Variants in ARHGAP31 observed in about 807,000 individuals in gnomAD.
ARHGAP31 encodes rho GTPase-activating protein 31.
Under a neutral mutation model 113.9 loss-of-function variants are expected in ARHGAP31, and 34 were observed. That is an observed-to-expected ratio of 0.30 (90% CI 0.23 to 0.40). The LOEUF (loss-of-function observed/expected upper bound fraction) is 0.40, where lower values mean the gene tolerates loss of function less well. Ranked by LOEUF, ARHGAP31 falls within the 10% of genes least tolerant of loss-of-function variation. ARHGAP31 has a pLI of 1.00. For synonymous variants in ARHGAP31, 650 were observed against 684.8 expected, an observed-to-expected ratio of 0.95 and a Z score of 0.79; for missense variants, 1,548 against 1,767.1, an observed-to-expected ratio of 0.88 and a Z score of 2.22.
Position 119,414,222 on chromosome 3 carries a change from C to T in ARHGAP31, c.2293C>T (p.Pro765Ser). The change falls in exon 12 of 12, where the codon CCA (proline) becomes TCA (serine). Residue 765 changes from proline to serine, a missense_variant. Pro to Ser is a moderately conservative substitution (Grantham distance 74, BLOSUM62 -1). Transcript: ENST00000264245. ...LEIVPFEKASPQATVEVGGPG... is the reference protein window; with the variant it reads ...LEIVPFEKASSQATVEVGGPG... ...AATAGTTCCTTTTGAGAAGGCATCT[C>T]CACAAGCAACAGTGGAAGTAGGAGG... 1 of 1,614,182 alleles carries T rather than the reference C, an allele frequency of 6.2e-7. No homozygotes were observed. The highest frequency in any genetic ancestry group is 8.5e-7 in the Non-Finnish European group (1 of 1,180,032).
chr3:119,303,698 A>G (rs987427528), intron 1 of ARHGAP31, among the ~76,000 whole-genome samples: 17 of 152,152 alleles, frequency 1.1e-4, no homozygotes, highest in Admixed American at 3.3e-4. Flanking sequence ...ATTCCGGCAA[A>G]CCGTACATAA....
intron 1 of ARHGAP31, among the ~76,000 whole-genome samples, chr3:119,327,306 G>A (rs1384688829): frequency 4.6e-5 from 7 of 152,292 alleles, no homozygotes; most frequent in African/African-American, 1.7e-4. Flanking sequence ...ACTCTGGGAG[G>A]TTGAGGTGGG....
chr3:119,324,477 T>TA (rs948369828), intron 1 of ARHGAP31, among the ~76,000 whole-genome samples: 1 of 152,124 alleles, frequency 6.6e-6, no homozygotes, highest in African/African-American at 2.4e-5. Flanking sequence ...CTCAGAAAAA[T>TA]AAAAAATTAG....
chr3:119,411,988 G>C (rs1031570211), intron 11 of ARHGAP31, among the ~76,000 whole-genome samples: 1 of 152,188 alleles, frequency 6.6e-6, no homozygotes. Context: ...GAGAAGGGAC[G>C]AGAGGTCAGC....
At position 119,373,442 on chromosome 3, in the gene ARHGAP31, T is replaced by TTTG. The variant is rs199959450; in HGVS notation, c.348+4936_348+4938dup. On this transcript the variant is annotated intron_variant, in intron 3 of 11. Transcript: ENST00000264245. ...GCCCATGGTGAGACTGGCTTTTTTT[T>TTTG]TTGTTGTTGTTGGCTTTTTTGGTTG... 9.6e-3 allele frequency among the ~76,000 whole-genome samples: 1,444 copies of TTTG among 150,182 alleles called. 4 individuals carry two copies. Among genetic ancestry groups the TTTG allele is most frequent in the Non-Finnish European group, 0.016 (1,047 of 67,478 alleles).
intron 1 of ARHGAP31, among the ~76,000 whole-genome samples, chr3:119,318,926 AT>A (rs948880006): frequency 2.7e-5 from 4 of 150,866 alleles, no homozygotes; most frequent in Admixed American, 6.6e-5. Context: ...CAACCTGCCC[AT>A]TTTTTTTTAC....
At chr3:119,344,826 T>C (rs112001224) in intron 1 of ARHGAP31, among the ~76,000 whole-genome samples, 1 of 152,226 alleles carries the variant, frequency 6.6e-6, no homozygotes, top group African/African-American at 2.4e-5. Context: ...GTAGATTGTA[T>C]TATTAGCTTC....
chr3:119,352,745 A>T (rs910291161), intron 1 of ARHGAP31, among the ~76,000 whole-genome samples: 2 of 152,176 alleles, frequency 1.3e-5, no homozygotes, highest in African/African-American at 4.8e-5. Flanking sequence ...GAAGCTATTG[A>T]TTGTTTTGGT....
intron 11 of ARHGAP31, among the ~76,000 whole-genome samples, chr3:119,411,499 T>C (rs1031895198): frequency 6.6e-6 from 1 of 152,174 alleles, no homozygotes; most frequent in African/African-American, 2.4e-5. Flanking sequence ...AGCAAAGAGA[T>C]GCACTGTGGG....
At chr3:119,362,513 AT>A (rs1220302130) in intron 1 of ARHGAP31, among the ~76,000 whole-genome samples, 1 of 152,242 alleles carries the variant, frequency 6.6e-6, no homozygotes, top group African/African-American at 2.4e-5. Flanking sequence ...CACGCCTGTA[AT>A]CCTAGCACTT....
At chr3:119,344,213 A>G (rs1577004385) in intron 1 of ARHGAP31, among the ~76,000 whole-genome samples, 1 of 152,246 alleles carries the variant, frequency 6.6e-6, no homozygotes, top group Non-Finnish European at 1.5e-5. Context: ...ATTATTCATT[A>G]TTTATCCGAA....
intron 1 of ARHGAP31, among the ~76,000 whole-genome samples, chr3:119,352,920 A>G (rs747942479): frequency 2.6e-5 from 4 of 152,124 alleles, no homozygotes; most frequent in African/African-American, 7.2e-5. Flanking sequence ...AATTCACCAC[A>G]TTATTTCTTG....
rs949071540 is a variant in ARHGAP31 at position 119,415,281 on chromosome 3, C to T, written c.3352C>T (p.Leu1118Phe). Reference protein sequence around the residue: ...NLDPAIPIADLFWFENVASFS... With the variant: ...NLDPAIPIADFFWFENVASFS... ...GGACCCTGCCATTCCCATTGCTGAC[C>T]TCTTCTGGTTTGAGAATGTGGCCTC... Residue 1118 changes from leucine (L) to phenylalanine (F), a missense_variant, in exon 12 of 12, where the codon CTC (leucine) becomes TTC (phenylalanine). Physicochemically the swap from Leu to Phe is conservative, Grantham distance 22. Transcript: ENST00000264245. 6.2e-7 allele frequency: 1 copy of T among 1,614,074 alleles called. No homozygotes were observed. Among genetic ancestry groups the T allele is most frequent in the African/African-American group, 1.3e-5 (1 of 74,914 alleles).
chr3:119,371,043 GT>G (rs1243000437), intron 3 of ARHGAP31, among the ~76,000 whole-genome samples: 3 of 152,108 alleles, frequency 2.0e-5, no homozygotes, highest in Non-Finnish European at 4.4e-5. Context: ...ATACCTTATT[GT>G]TGCTTTAATT....
chr3:119,324,939 G>T (rs2079828828), intron 1 of ARHGAP31: 1 of 456,574 alleles, frequency 2.2e-6, no homozygotes, highest in Non-Finnish European at 4.4e-6. Flanking sequence ...TTACTTAAAA[G>T]GTGAAAATGT....
chr3:119,329,818 T>C, intron 1 of ARHGAP31: 2 of 985,464 alleles, frequency 2.0e-6, no homozygotes, highest in Non-Finnish European at 1.2e-6. Context: ...CATGAGCGTA[T>C]TGAGAGGAGT....
chr3:119,296,640 T>G (rs954475536), intron 1 of ARHGAP31, among the ~76,000 whole-genome samples: 10 of 152,064 alleles, frequency 6.6e-5, no homozygotes, highest in South Asian at 2.1e-4. Context: ...ACTAATAGAT[T>G]ATAGGATGAG....
chr3:119,365,705 G>T (rs546354557), intron 2 of ARHGAP31, among the ~76,000 whole-genome samples: 86 of 152,324 alleles, frequency 5.6e-4, no homozygotes, highest in African/African-American at 2.0e-3. Context: ...TAACTCAAAT[G>T]ATTTAAATTA....
Position 119,337,834 on chromosome 3 carries a change from G to A in ARHGAP31, c.101-27482G>A, listed in dbSNP as rs144917529. 3.0e-3 allele frequency among the ~76,000 whole-genome samples: 464 copies of A among 152,278 alleles called. 4 individuals are homozygous for A. The highest frequency in any genetic ancestry group is 0.011 in the African/African-American group (444 of 41,544). On this transcript the variant is annotated intron_variant, in intron 1 of 11. Coordinates refer to ENST00000264245, the MANE Select transcript of ARHGAP31 (RefSeq NM_020754.4). ...TTACAAACCTTTAGCTAGACACAGA[G>A]TGCTGATTGGTGCATTTACAATCCT...
Sources: allele counts gnomAD v4.1 joint callset (sites outside exome capture counted in the v4.1 genomes callset), GRCh38; gene constraint gnomAD v4.1.1; transcripts MANE v1.5; gene names NCBI Gene and HGNC (gene_info 2026-07-23, HGNC 2026-07-21).